Variants in SEPTIN7 observed in about 807,000 individuals in gnomAD.
The protein encoded by SEPTIN7 is septin-7.
SEPTIN7 carries 10 observed loss-of-function variants against 63.3 expected under a neutral mutation model. The ratio of observed to expected loss-of-function variants is 0.16; its 90% CI spans 0.10 to 0.27. The LOEUF is 0.27. Ranked by LOEUF, SEPTIN7 falls within the 10% of genes least tolerant of loss-of-function variation. The probability of loss-of-function intolerance (pLI) is 1.00; values close to 1 mark genes in which losing one functional copy is unlikely to be tolerated. For synonymous variants in SEPTIN7, 131 were observed against 165.3 expected (o/e 0.79, Z 1.59); for missense variants, 310 against 521.0 (o/e 0.59, Z 3.94).
chr7:35,915,534 A>T, the SEPTIN7 span, among the ~76,000 whole-genome samples: 14 of 152,202 alleles, frequency 9.2e-5, no homozygotes, highest in African/African-American at 2.4e-4. Context: ...ACGAAATTAC[A>T]CTATTTCTGT....
At chr7:35,898,490 A>G in intron 12 of SEPTIN7, 107 bp downstream of exon 12, 1 of 679,144 alleles carries the variant, frequency 1.5e-6, no homozygotes, top group Non-Finnish European at 2.4e-6. Flanking sequence ...TATTTTTTCA[A>G]AATTAATACC....
At chr7:35,883,786 A>AAT in intron 8 of SEPTIN7, 105 bp from the exon 9 acceptor site, 1 of 419,866 alleles carries the variant, frequency 2.4e-6, no homozygotes, top group Non-Finnish European at 4.1e-6. Flanking sequence ...TCGAAAGTAA[A>AAT]TTTTTTTTTT....
chr7:35,873,762 C>T lies in SEPTIN7; in HGVS notation c.499C>T (p.Pro167Ser). ...RVQCCLYFIA[P>S]SGHGLKPLDI... ...GCAGTGTTGTTTATACTTCATTGCT[C>T]CTTCAGGACATGGGTCAGTACCTTG... Residue 167 changes from proline to serine, a missense_variant, in exon 6 of 14, where the codon CCT becomes TCT. Physicochemically the swap from Pro to Ser is moderately conservative, Grantham distance 74. Transcript: ENST00000350320. The T allele has an allele frequency of 1.2e-6, 2 of 1,610,326 alleles. No individual in the cohort carries two copies. Among genetic ancestry groups the T allele is most frequent in the Non-Finnish European group, 1.7e-6 (2 of 1,178,796 alleles).
intron 4 of SEPTIN7, among the ~76,000 whole-genome samples, chr7:35,866,684 G>A (rs1308577319): frequency 6.6e-6 from 1 of 152,194 alleles, no homozygotes; most frequent in African/African-American, 2.4e-5. Context: ...AGCCTCCTGT[G>A]TGTAAAATAG....
At chr7:35,834,565 C>T (rs552671438) in intron 3 of SEPTIN7, among the ~76,000 whole-genome samples, 11 of 152,108 alleles carry the variant, frequency 7.2e-5, no homozygotes, top group African/African-American at 2.6e-4. Context: ...GTGTTAATAT[C>T]CTTACTTTCA....
Position 35,904,426 on chromosome 7 carries a change from AT to A in SEPTIN7, c.*144del, listed in dbSNP as rs879474958. On this transcript the variant is annotated 3_prime_UTR_variant, in exon 14 of 14. Transcript: ENST00000350320. ...TGGATTTAACAGCATGACAAAAATT[AT>A]TTTTTTTTTTGTTCTTGATGGAGAT... The A allele has an allele frequency of 0.055, 25,736 of 468,142 alleles. 9 individuals are homozygous for A. The highest frequency in any genetic ancestry group is 0.073 in the Middle Eastern group (113 of 1,538). The allele number at this position is 468,142 out of a possible 1,614,324, so 29.0% of individuals were successfully genotyped here.
Position 35,884,370 on chromosome 7 carries a change from G to A in SEPTIN7, c.820+383G>A, listed in dbSNP as rs145384609. On this transcript the variant is annotated intron_variant, in intron 9 of 13. Coordinates refer to ENST00000350320, the MANE Select transcript of SEPTIN7 (RefSeq NM_001788.6). ...TAAGGATGCTCGACCAGTAAGTATA[G>A]CACAGATATTCCAAAATTCCAAAAA... Among the ~76,000 whole-genome samples the A allele has an allele frequency of 8.6e-3, 1,309 of 152,226 alleles. 15 individuals carry two copies. Among genetic ancestry groups the A allele is most frequent in the African/African-American group, 8.7e-3 (363 of 41,542 alleles).
chr7:35,833,640 G>A (rs998270692), intron 3 of SEPTIN7, among the ~76,000 whole-genome samples: 2 of 151,940 alleles, frequency 1.3e-5, no homozygotes, highest in African/African-American at 2.4e-5. Context: ...CCTAAGTTAC[G>A]AATATTGTAT....
Position 35,861,782 on chromosome 7 carries a change from A to T in SEPTIN7, c.170-1770A>T, listed in dbSNP as rs887898225. On this transcript the variant is annotated intron_variant, in intron 3 of 13. Coordinates refer to ENST00000350320, the MANE Select transcript of SEPTIN7 (RefSeq NM_001788.6). ...GGCAGACCAGAGAGGTTAAAATGTT[A>T]CAAGTTAGGTCTGCACTCTTGCCGC... 1.3e-5 allele frequency among the ~76,000 whole-genome samples: 2 copies of T among 152,304 alleles called. 1 individual carries two copies. The highest frequency in any genetic ancestry group is 4.1e-4 in the South Asian group (2 of 4,826).
At chr7:35,846,336 A>G (rs550084091) in intron 3 of SEPTIN7, among the ~76,000 whole-genome samples, 1 of 152,150 alleles carries the variant, frequency 6.6e-6, no homozygotes, top group South Asian at 2.1e-4. Flanking sequence ...CACTTTTTTT[A>G]TTGTTAAAAT....
chr7:35,879,344 C>A (rs1473399715), intron 6 of SEPTIN7, among the ~76,000 whole-genome samples: 1 of 151,922 alleles, frequency 6.6e-6, no homozygotes, highest in Non-Finnish European at 1.5e-5. Context: ...ATTAGGCAGG[C>A]ATGGTGGTGT....
chr7:35,825,065 T>C (rs905389128), intron 1 of SEPTIN7, among the ~76,000 whole-genome samples: 1 of 152,166 alleles, frequency 6.6e-6, no homozygotes, highest in Non-Finnish European at 1.5e-5. Flanking sequence ...GGTTCAAGCC[T>C]TTATTTTTCC....
chr7:35,839,193 A>T (rs1299974251), intron 3 of SEPTIN7, among the ~76,000 whole-genome samples: 1 of 152,224 alleles, frequency 6.6e-6, no homozygotes, highest in East Asian at 1.9e-4. Flanking sequence ...TTTCATGCTA[A>T]TTCCTGAATT....
chr7:35,845,850 T>A (rs1256060750), intron 3 of SEPTIN7, among the ~76,000 whole-genome samples: 1 of 152,132 alleles, frequency 6.6e-6, no homozygotes, highest in Non-Finnish European at 1.5e-5. Flanking sequence ...AAAAAAAGTT[T>A]TACTTTGAGA....
At chr7:35,864,875 C>T (rs1785717167) in intron 4 of SEPTIN7, among the ~76,000 whole-genome samples, 1 of 152,002 alleles carries the variant, frequency 6.6e-6, no homozygotes, top group Admixed American at 6.6e-5. Flanking sequence ...AGTGATCATC[C>T]CAGTGCACAG....
At chr7:35,850,088 A>C (rs1784888169) in intron 3 of SEPTIN7, among the ~76,000 whole-genome samples, 1 of 152,238 alleles carries the variant, frequency 6.6e-6, no homozygotes, top group African/African-American at 2.4e-5. Flanking sequence ...GCTTCTTCAA[A>C]GTATTCTTGG....
chr7:35,803,076 A>G (rs1212986961), intron 1 of SEPTIN7: 1 of 650,488 alleles, frequency 1.5e-6, no homozygotes, highest in African/African-American at 2.0e-5. Flanking sequence ...AAATAACAGA[A>G]ATGTTAAGTT....
At chr7:35,841,170 G>A (rs1235469594) in intron 3 of SEPTIN7, among the ~76,000 whole-genome samples, 11 of 152,066 alleles carry the variant, frequency 7.2e-5, no homozygotes, top group African/African-American at 1.9e-4. Flanking sequence ...GCAGTGAGCC[G>A]AGATCGTGCC....
chr7:35,849,106 T>G (rs1159802134), intron 3 of SEPTIN7, among the ~76,000 whole-genome samples: 5 of 152,230 alleles, frequency 3.3e-5, no homozygotes, highest in Non-Finnish European at 2.9e-5. Flanking sequence ...CTTGTTTAGC[T>G]TGCCTTTTAG....
Sources: allele counts gnomAD v4.1 joint callset (sites outside exome capture counted in the v4.1 genomes callset), GRCh38; gene constraint gnomAD v4.1.1; transcripts MANE v1.5; gene names NCBI Gene and HGNC (gene_info 2026-07-23, HGNC 2026-07-21).